The following RNF150 variants were observed in gnomAD, a reference collection of about 807,000 sequenced individuals.
The protein encoded by RNF150 is ring finger protein 150.
Under a neutral mutation model 39.3 loss-of-function variants are expected in RNF150, and 24 were observed. The observed-to-expected ratio is 0.61, with a 90% CI of 0.44 to 0.86. The LOEUF is 0.86. RNF150 is among the 40% of genes least tolerant of loss of function. The pLI is 0.00. For missense variants in RNF150, 502 were observed against 587.8 expected, an observed-to-expected ratio of 0.85 and a Z score of 1.51; for synonymous variants, 255 against 227.3, an observed-to-expected ratio of 1.12 and a Z score of -1.10.
chr4:140,884,690 T>C (rs1729498057), intron 6 of RNF150, among the ~76,000 whole-genome samples: 1 of 152,154 alleles, frequency 6.6e-6, no homozygotes. Flanking sequence ...TCACTTTTGT[T>C]TTTTTTGGCC....
intron 2 of RNF150, among the ~76,000 whole-genome samples, chr4:140,958,404 AACCCGCCCCTGGGTTAGGTCTC>A (rs1157338756): frequency 6.6e-6 from 1 of 152,128 alleles, no homozygotes; most frequent in Admixed American, 6.6e-5. Flanking sequence ...AAAGACTGGC[AACCCGCCCCTGGGTTAGGTCTC>A]TGCACCTCAA....
intron 1 of RNF150, among the ~76,000 whole-genome samples, chr4:141,159,107 A>G (rs1361676283): frequency 1.2e-4 from 18 of 152,244 alleles, no homozygotes; most frequent in Non-Finnish European, 2.4e-4. Flanking sequence ...GAGAAGTTCA[A>G]CAGCTGGTAT....
intron 1 of RNF150, among the ~76,000 whole-genome samples, chr4:141,118,556 C>G (rs957214324): frequency 7.2e-5 from 11 of 152,070 alleles, no homozygotes; most frequent in Admixed American, 2.6e-4. Context: ...ACACTGGGCC[C>G]CAATCAGGCC....
intron 1 of RNF150, among the ~76,000 whole-genome samples, chr4:141,000,021 A>T (rs867653023): frequency 3.8e-5 from 1 of 26,052 alleles, no homozygotes; most frequent in Non-Finnish European, 1.0e-4. Flanking sequence ...GAAGAAGAAG[A>T]AGAAGAAGAA....
intron 4 of RNF150, among the ~76,000 whole-genome samples, chr4:140,937,248 T>A (rs1731894624): frequency 6.6e-6 from 1 of 152,170 alleles, no homozygotes; most frequent in Non-Finnish European, 1.5e-5. Flanking sequence ...CTACTAAAAA[T>A]TTTTAAATAA....
At chr4:141,184,964 C>T (rs1220647224) in intron 1 of RNF150, among the ~76,000 whole-genome samples, 2 of 151,470 alleles carry the variant, frequency 1.3e-5, no homozygotes, top group Admixed American at 6.6e-5. Flanking sequence ...AGCCTGATGC[C>T]TCCAGCTGTG....
intron 1 of RNF150, among the ~76,000 whole-genome samples, chr4:141,093,313 C>T (rs1472389629): frequency 6.7e-6 from 1 of 148,680 alleles, no homozygotes; most frequent in African/African-American, 2.5e-5. Context: ...TTGCAGTGAG[C>T]TGAGATCACA....
intron 1 of RNF150, among the ~76,000 whole-genome samples, chr4:141,044,753 T>G (rs1013599859): frequency 6.9e-6 from 1 of 144,380 alleles, no homozygotes; most frequent in African/African-American, 2.7e-5. Context: ...AAAGAGCTCA[T>G]GCATGCGGGT....
At chr4:141,121,738 C>T (rs1343994909) in intron 1 of RNF150, among the ~76,000 whole-genome samples, 3 of 151,916 alleles carry the variant, frequency 2.0e-5, no homozygotes, top group East Asian at 3.8e-4. Context: ...CTCATAATTT[C>T]GATCCTTATA....
intron 1 of RNF150, among the ~76,000 whole-genome samples, chr4:140,993,886 A>T (rs1203133161): frequency 6.6e-6 from 1 of 152,154 alleles, no homozygotes; most frequent in African/African-American, 2.4e-5. Flanking sequence ...TAAGATGGTG[A>T]CACCTACTCA....
At chr4:141,210,804 T>TAAA (rs146863007) in intron 1 of RNF150, among the ~76,000 whole-genome samples, 1 of 151,888 alleles carries the variant, frequency 6.6e-6, no homozygotes, top group African/African-American at 2.4e-5. Flanking sequence ...AGTGTCCAGC[T>TAAA]AAAAAAAACC....
At chr4:140,893,136 A>G (rs1466890332) in intron 6 of RNF150, among the ~76,000 whole-genome samples, 1 of 151,922 alleles carries the variant, frequency 6.6e-6, no homozygotes, top group Non-Finnish European at 1.5e-5. Context: ...TCCAAAGAAC[A>G]CTTTTATTCA....
At chr4:140,874,973 G>A (rs1004615077) in intron 6 of RNF150, among the ~76,000 whole-genome samples, 2 of 152,118 alleles carry the variant, frequency 1.3e-5, no homozygotes, top group African/African-American at 2.4e-5. Context: ...CCTATGCTAA[G>A]TTCTTTAAAT....
chr4:140,962,313 G>C (rs1257208319), intron 2 of RNF150, among the ~76,000 whole-genome samples: 2 of 151,698 alleles, frequency 1.3e-5, no homozygotes, highest in African/African-American at 4.8e-5. Flanking sequence ...TTAAAATTCT[G>C]TTCCTCAGTT....
chr4:141,057,133 C>G (rs1312021211), intron 1 of RNF150, among the ~76,000 whole-genome samples: 2 of 152,034 alleles, frequency 1.3e-5, no homozygotes, highest in Non-Finnish European at 2.9e-5. Context: ...CCATCAGGCT[C>G]CACTGACCCC....
chr4:141,099,624 A>T (rs1738933445), intron 1 of RNF150, among the ~76,000 whole-genome samples: 1 of 152,222 alleles, frequency 6.6e-6, no homozygotes, highest in Non-Finnish European at 1.5e-5. Context: ...GAGAAACTAA[A>T]TAAGAAAGTA....
rs1726928087 is a variant in RNF150 at position 141,132,620 on chromosome 4, G to GCCGCCGC, written c.182_188dup (p.Gly64ArgfsTer70). ...TCTTCTCCGTGTGCAGCTCCGCGCC[G>GCCGCCGC]CCGCCGCCCGCCGCCCCGGCCCCGG... On this transcript the variant is annotated frameshift_variant, in exon 1 of 7. Coordinates refer to ENST00000515673, the MANE Select transcript of RNF150 (RefSeq NM_020724.2). LOFTEE classifies it high-confidence loss of function. The surrounding 1 kb of genome is among the most constrained non-coding windows in gnomAD (Gnocchi z 4.9). 1.9e-6 allele frequency: 3 copies of GCCGCCGC among 1,544,544 alleles called. No homozygotes were observed. Among genetic ancestry groups the GCCGCCGC allele is most frequent in the Non-Finnish European group, 1.7e-6 (2 of 1,149,364 alleles).
intron 1 of RNF150, among the ~76,000 whole-genome samples, chr4:141,015,078 G>A (rs1460538797): frequency 1.3e-5 from 2 of 152,078 alleles, no homozygotes; most frequent in South Asian, 4.1e-4. Context: ...TGAAGAGATT[G>A]TCCTTTCCCT....
intron 1 of RNF150, among the ~76,000 whole-genome samples, chr4:141,003,756 C>A (rs894069234): frequency 6.6e-6 from 1 of 152,164 alleles, no homozygotes; most frequent in African/African-American, 2.4e-5. Flanking sequence ...CTGGTCAGGA[C>A]TACAGATGAT....
Sources: gnomAD v4.1 joint callset for allele counts (sites outside exome capture counted in the v4.1 genomes callset) on GRCh38, gnomAD v4.1.1 for gene constraint, Gnocchi (gnomAD v3.1) non-coding constraint, MANE v1.5 for transcripts, NCBI Gene and HGNC (gene_info 2026-07-23, HGNC 2026-07-21) for gene names.